The following AFG3L2 variants were observed in gnomAD, a reference collection of about 807,000 sequenced individuals.
AFG3L2 encodes the protein mitochondrial inner membrane m-AAA protease component AFG3L2.
Under a neutral mutation model 94.5 loss-of-function variants are expected in AFG3L2, and 54 were observed. That is an observed-to-expected ratio of 0.57 (90% CI 0.46 to 0.72). The LOEUF (loss-of-function observed/expected upper bound fraction) is 0.72, where lower values mean the gene tolerates loss of function less well. AFG3L2 is among the 30% of genes least tolerant of loss of function. The pLI, the probability that AFG3L2 is intolerant of heterozygous loss-of-function variation, is 0.00. For synonymous variants in AFG3L2, 377 were observed against 365.5 expected (o/e 1.03, Z -0.36); for missense variants, 754 against 994.9 (o/e 0.76, Z 3.26).
chr18:12,345,146 G>A (rs376730613), intron 13 of AFG3L2, among the ~76,000 whole-genome samples: 31 of 152,202 alleles, frequency 2.0e-4, no homozygotes, highest in African/African-American at 6.3e-4. Context: ...CTAACCAGCC[G>A]GCCCTATGGC....
At chr18:12,371,315 C>CAAAAAAAAAAA (rs1275446956) in intron 2 of AFG3L2, among the ~76,000 whole-genome samples, 7 of 66,448 alleles carry the variant, frequency 1.1e-4, no homozygotes, top group African/African-American at 3.9e-4. Flanking sequence ...ACTCAGTCTC[C>CAAAAAAAAAAA]AAAAAAAAAA....
chr18:12,356,850 A>C lies in AFG3L2; in HGVS notation c.1027-19T>G. 6.2e-7 allele frequency: 1 copy of C among 1,613,086 alleles called. No individual in the cohort carries two copies. The stretch of plus-strand genomic sequence containing the variant: ...TGGCACCCTTCAGATATGAAAAAAG[A>C]AATTACATTTAATGAGAATTCCAGA... On this transcript the variant is annotated intron_variant, in intron 8 of 16. Transcript: ENST00000269143.
In AFG3L2 at chr18:12,356,761, T is replaced by C. The variant is rs772075125; in HGVS notation, c.1097A>G (p.Asn366Ser). The change falls in exon 9 of 17, where the codon AAT becomes AGT. Residue 366 changes from asparagine to serine, a missense_variant. Asn to Ser is a conservative substitution (Grantham distance 46). This residue lies in a region of AFG3L2 where 109 missense variants were observed against 227.1 expected (regional missense o/e 0.48). Transcript: ENST00000269143. ...LLAKATAGEANVPFITVSGSE... is the reference protein window; with the variant it reads ...LLAKATAGEASVPFITVSGSE... ...TCCACTAACGGTGATGAAGGGGACATTGGCTTCTCCGGCTGTGGCCTTAGC... is the reference window on the plus strand; with the variant it reads ...TCCACTAACGGTGATGAAGGGGACACTGGCTTCTCCGGCTGTGGCCTTAGC... 13 of 1,614,238 alleles carry C rather than the reference T, an allele frequency of 8.1e-6. No homozygotes were observed. Among genetic ancestry groups the C allele is most frequent in the East Asian group, 4.5e-5 (2 of 44,880 alleles).
chr18:12,333,687 C>G (rs11663340), intron 16 of AFG3L2, among the ~76,000 whole-genome samples: 6 of 152,028 alleles, frequency 3.9e-5, no homozygotes, highest in Non-Finnish European at 5.9e-5. Context: ...CAACATGTGA[C>G]GACACAAAAC....
intron 16 of AFG3L2, among the ~76,000 whole-genome samples, chr18:12,335,335 G>A (rs922450092): frequency 6.6e-6 from 1 of 152,126 alleles, no homozygotes; most frequent in African/African-American, 2.4e-5. Context: ...AGAGATGCAT[G>A]CGTAACTGAC....
At chr18:12,369,236 T>C (rs1180474627) in intron 3 of AFG3L2, among the ~76,000 whole-genome samples, 1 of 152,000 alleles carries the variant, frequency 6.6e-6, no homozygotes, top group African/African-American at 2.4e-5. Flanking sequence ...TGGGTTATCA[T>C]TACTCGGCCC....
At chr18:12,337,035 G>A (rs1033007784) in intron 16 of AFG3L2, 3 of 569,806 alleles carry the variant, frequency 5.3e-6, no homozygotes, top group East Asian at 2.8e-5. Context: ...CTCATTAGGA[G>A]TACTGTGAAC....
chr18:12,349,375 C>T (rs1237895063), intron 12 of AFG3L2, among the ~76,000 whole-genome samples: 1 of 152,108 alleles, frequency 6.6e-6, no homozygotes, highest in African/African-American at 2.4e-5. Flanking sequence ...TTAGAGTTAC[C>T]ATATCACCCA....
intron 6 of AFG3L2, among the ~76,000 whole-genome samples, chr18:12,363,383 T>C (rs1234883602): frequency 1.3e-5 from 2 of 152,128 alleles, no homozygotes; most frequent in Non-Finnish European, 2.9e-5. Context: ...GGTTGGGAGA[T>C]GGTGGGGATG....
At chr18:12,376,427 C>G (rs976890295) in intron 1 of AFG3L2, among the ~76,000 whole-genome samples, 1 of 152,196 alleles carries the variant, frequency 6.6e-6, no homozygotes, top group Non-Finnish European at 1.5e-5. Context: ...CTGCTGAGAG[C>G]AGGCCCTGAT....
chr18:12,366,120 C>A (rs1487231362), intron 5 of AFG3L2, among the ~76,000 whole-genome samples: 1 of 152,090 alleles, frequency 6.6e-6, no homozygotes, highest in Non-Finnish European at 1.5e-5. Context: ...TCGTGATTCA[C>A]CCGCCTCGGC....
In AFG3L2 at chr18:12,332,975, T is replaced by C. The variant is rs193004924; in HGVS notation, c.2176-3192A>G. ...ATTATATACTATAATATATTATATA[T>C]TATATAAATATATTATATAAATTAT... On this transcript the variant is annotated intron_variant, in intron 16 of 16. Transcript: ENST00000269143. Among the ~76,000 whole-genome samples the C allele has an allele frequency of 5.6e-3, 189 of 34,010 alleles. 1 individual carries two copies. The highest frequency in any genetic ancestry group is 0.033 in the South Asian group (33 of 994). The allele number at this position is 34,010 out of a possible 152,430, so 22.3% of individuals were successfully genotyped here.
At chr18:12,333,418 C>T (rs1373555394) in intron 16 of AFG3L2, among the ~76,000 whole-genome samples, 2 of 147,176 alleles carry the variant, frequency 1.4e-5, no homozygotes, top group Non-Finnish European at 3.0e-5. Context: ...AATGCAGTGA[C>T]GTGATCACAG....
chr18:12,350,387 C>T (rs118191935), intron 12 of AFG3L2, among the ~76,000 whole-genome samples: 1,972 of 152,006 alleles, frequency 0.013, 23 homozygotes, highest in Non-Finnish European at 0.019. Context: ...ACACTTTATA[C>T]GGGTGATTTT....
intron 15 of AFG3L2, among the ~76,000 whole-genome samples, chr18:12,338,971 G>A (rs1181102684): frequency 6.6e-6 from 1 of 151,952 alleles, no homozygotes; most frequent in Non-Finnish European, 1.5e-5. Flanking sequence ...AAGGTTTCTC[G>A]GGGCCGGGCA....
At position 12,358,947 on chromosome 18, in the gene AFG3L2, G is replaced by T. The variant is rs1908576482; in HGVS notation, c.753-4C>A. On this transcript the variant is annotated splice_polypyrimidine_tract_variant and splice_region_variant and intron_variant, in intron 7 of 16. Coordinates refer to ENST00000269143, the MANE Select transcript of AFG3L2 (RefSeq NM_006796.3). ...CAGCATGCTCAGCAGAAAAGAGCTGGGGACACACAGCGCAACACGGGTTAG... is the reference window on the plus strand; with the variant it reads ...CAGCATGCTCAGCAGAAAAGAGCTGTGGACACACAGCGCAACACGGGTTAG... 6.2e-7 allele frequency: 1 copy of T among 1,610,590 alleles called. No individual in the cohort carries two copies. Among genetic ancestry groups the T allele is most frequent in the African/African-American group, 1.3e-5 (1 of 75,006 alleles).
chr18:12,336,410 A>G (rs1907743308), intron 16 of AFG3L2, among the ~76,000 whole-genome samples: 1 of 152,192 alleles, frequency 6.6e-6, no homozygotes, highest in Non-Finnish European at 1.5e-5. Context: ...ACAGGAGGAT[A>G]GCTTCCATGC....
intron 6 of AFG3L2, among the ~76,000 whole-genome samples, chr18:12,361,662 A>C (rs1463022747): frequency 6.6e-6 from 1 of 152,176 alleles, no homozygotes; most frequent in Non-Finnish European, 1.5e-5. Context: ...ACAAACAAAA[A>C]AACAAAACCT....
In AFG3L2 at chr18:12,358,662, C is replaced by T. The variant is rs8091858; in HGVS notation, c.1026+8G>A. 40,051 of 1,613,348 alleles carry T rather than the reference C, an allele frequency of 0.025. 588 individuals are homozygous for T. Among genetic ancestry groups the T allele is most frequent in the Middle Eastern group, 0.029 (173 of 6,054 alleles). ...ATTTCAAAAAGTTAATCTTAAATTT[C>T]ATTTTACCTTTGGGATTTTTGCTCC... On this transcript the variant is annotated splice_region_variant and intron_variant, in intron 8 of 16. Coordinates refer to ENST00000269143, the MANE Select transcript of AFG3L2 (RefSeq NM_006796.3).
Sources: allele counts gnomAD v4.1 joint callset (sites outside exome capture counted in the v4.1 genomes callset), GRCh38; gene constraint gnomAD v4.1.1; regional missense constraint gnomAD v4.1.1; transcripts MANE v1.5; gene names NCBI Gene and HGNC (gene_info 2026-07-23, HGNC 2026-07-21).